The following RIMS2 variants were observed in gnomAD, a reference collection of about 807,000 sequenced individuals.
RIMS2 encodes the protein regulating synaptic membrane exocytosis protein 2.
In RIMS2, 59 loss-of-function variants were observed where a neutral mutation model predicts 174.4. That is an observed-to-expected ratio of 0.34 (90% confidence interval 0.27 to 0.42). The LOEUF is 0.42. Ranked by LOEUF, RIMS2 falls within the 10% of genes least tolerant of loss-of-function variation. The pLI is 1.00. For missense variants in RIMS2, 1,620 were observed against 1,666.3 expected, an observed-to-expected ratio of 0.97 and a Z score of 0.48; for synonymous variants, 606 against 572.5, an observed-to-expected ratio of 1.06 and a Z score of -0.84.
At chr8:104,201,056 T>C (rs896799289) in intron 19 of RIMS2, among the ~76,000 whole-genome samples, 12 of 152,304 alleles carry the variant, frequency 7.9e-5, no homozygotes, top group African/African-American at 2.9e-4. Flanking sequence ...TGGGGTTTGG[T>C]GTACAAATGA....
chr8:103,796,275 A>C (rs1308474832), intron 3 of RIMS2, among the ~76,000 whole-genome samples: 4 of 152,144 alleles, frequency 2.6e-5, no homozygotes, highest in Non-Finnish European at 5.9e-5. Flanking sequence ...CAAATTCTTA[A>C]CTTTATAAGA....
chr8:103,574,434 G>C (rs1304516010), intron 1 of RIMS2, among the ~76,000 whole-genome samples: 1 of 152,120 alleles, frequency 6.6e-6, no homozygotes, highest in Non-Finnish European at 1.5e-5. Context: ...TCACAGCCTT[G>C]TCCTGAACTC....
chr8:104,208,110 T>C (rs2099088889), intron 19 of RIMS2, among the ~76,000 whole-genome samples: 1 of 152,018 alleles, frequency 6.6e-6, no homozygotes. Flanking sequence ...CAAGTGATTG[T>C]TTTGTTAAAC....
At chr8:103,625,434 C>G (rs16870589) in intron 1 of RIMS2, among the ~76,000 whole-genome samples, 18,881 of 152,080 alleles carry the variant, frequency 0.12, 1,274 homozygotes, top group Middle Eastern at 0.22. Context: ...GAACATTTAG[C>G]TTTTGTCTTT....
Position 103,817,022 on chromosome 8 carries a change from A to AT in RIMS2, c.698+50491dup, listed in dbSNP as rs540391466. On this transcript the variant is annotated intron_variant, in intron 3 of 23. Coordinates refer to ENST00000504942, the Ensembl canonical transcript of RIMS2. Reference sequence around the variant, plus strand: ...ATCTATTTAAAAGGGGAAAATTTACATTTTTTCCCCTCACAGATAGTATGA... The same window carrying AT: ...ATCTATTTAAAAGGGGAAAATTTACATTTTTTTCCCCTCACAGATAGTATGA... Among the ~76,000 whole-genome samples the AT allele has an allele frequency of 2.4e-3, 361 of 152,238 alleles. 1 individual carries two copies. The highest frequency in any genetic ancestry group is 4.2e-3 in the Non-Finnish European group (283 of 68,004).
chr8:103,932,512 A>G (rs927617537), intron 12 of RIMS2, among the ~76,000 whole-genome samples: 14 of 152,242 alleles, frequency 9.2e-5, no homozygotes, highest in African/African-American at 3.1e-4. Context: ...TTTGATTAAG[A>G]AAGCTGTTTT....
intron 19 of RIMS2, among the ~76,000 whole-genome samples, chr8:104,198,682 A>T (rs2099038009): frequency 6.6e-6 from 1 of 152,184 alleles, no homozygotes; most frequent in African/African-American, 2.4e-5. Context: ...TTTTGGTAGG[A>T]ATTTCTACCT....
chr8:104,181,618 A>T (rs1338644287), intron 19 of RIMS2, among the ~76,000 whole-genome samples: 1 of 151,554 alleles, frequency 6.6e-6, no homozygotes, highest in East Asian at 1.9e-4. Flanking sequence ...TAATTTCACA[A>T]TTTTTCTCTT....
intron 19 of RIMS2, among the ~76,000 whole-genome samples, chr8:104,060,107 C>T (rs571321975): frequency 6.6e-6 from 1 of 151,766 alleles, no homozygotes; most frequent in Non-Finnish European, 1.5e-5. Context: ...GGAGGATTCC[C>T]TCTTTTTCTA....
chr8:103,733,134 A>G (rs2097629964), intron 2 of RIMS2, among the ~76,000 whole-genome samples: 1 of 151,876 alleles, frequency 6.6e-6, no homozygotes, highest in Non-Finnish European at 1.5e-5. Flanking sequence ...AGGGCCCTTT[A>G]GTCTGCAGGT....
At chr8:103,877,853 TC>T (rs1218233327) in intron 3 of RIMS2, among the ~76,000 whole-genome samples, 1 of 151,878 alleles carries the variant, frequency 6.6e-6, no homozygotes, top group Non-Finnish European at 1.5e-5. Flanking sequence ...TATTGATTCT[TC>T]CAATCCATGA....
Position 103,938,837 on chromosome 8 carries a change from G to A in RIMS2, c.2547+2115G>A, listed in dbSNP as rs529023483. The stretch of plus-strand genomic sequence containing the variant: ...TTGCCCAAAACAAAGCCCCATGCAA[G>A]TCTGAAATCCAGTGAGGCTGTCAAA... On this transcript the variant is annotated intron_variant, in intron 13 of 23. Transcript: ENST00000504942. Among the ~76,000 whole-genome samples, 3 of 152,298 alleles carry A rather than the reference G, an allele frequency of 2.0e-5. No homozygotes were observed. The South Asian group carries it at 6.2e-4, about 32-fold the overall frequency.
intron 1 of RIMS2, among the ~76,000 whole-genome samples, chr8:103,696,862 CAAAAAAAAA>C (rs55852238): frequency 3.7e-5 from 2 of 53,742 alleles, no homozygotes; most frequent in South Asian, 7.5e-4. Flanking sequence ...GACTTCGTCT[CAAAAAAAAA>C]AAAAAAAAAA....
intron 19 of RIMS2, among the ~76,000 whole-genome samples, chr8:104,045,632 A>G (rs1367328059): frequency 6.6e-6 from 1 of 151,868 alleles, no homozygotes; most frequent in African/African-American, 2.4e-5. Context: ...CTCAACATAA[A>G]AAATGTTTTG....
intron 19 of RIMS2, among the ~76,000 whole-genome samples, chr8:104,154,794 G>A (rs989870230): frequency 6.6e-6 from 1 of 152,080 alleles, no homozygotes; most frequent in African/African-American, 2.4e-5. Flanking sequence ...TTTAGCAACT[G>A]TAATCATTTA....
chr8:104,158,194 A>G (rs1223612052), intron 19 of RIMS2, among the ~76,000 whole-genome samples: 1 of 152,154 alleles, frequency 6.6e-6, no homozygotes, highest in Non-Finnish European at 1.5e-5. Flanking sequence ...GATGGTTTCC[A>G]GCTTCATCCA....
chr8:104,241,259 CA>C (rs1446831240), intron 19 of RIMS2, among the ~76,000 whole-genome samples: 3 of 152,154 alleles, frequency 2.0e-5, no homozygotes, highest in African/African-American at 7.2e-5. Context: ...GAACTGTCTA[CA>C]AATGCTGGTT....
intron 16 of RIMS2, among the ~76,000 whole-genome samples, chr8:103,978,588 G>C (rs2093642226): frequency 6.6e-6 from 1 of 152,196 alleles, no homozygotes; most frequent in Non-Finnish European, 1.5e-5. Flanking sequence ...TAAAGAAGCA[G>C]TACTTTTTCA....
chr8:103,819,497 A>C (rs2098738052), intron 3 of RIMS2: 1 of 1,611,830 alleles, frequency 6.2e-7, no homozygotes, highest in African/African-American at 1.3e-5. Flanking sequence ...GGGGAAAAAA[A>C]AAGAAAGAAA....
Sources: gnomAD v4.1 joint callset for allele counts (sites outside exome capture counted in the v4.1 genomes callset) on GRCh38, gnomAD v4.1.1 for gene constraint, MANE v1.5 for transcripts, NCBI Gene and HGNC (gene_info 2026-07-23, HGNC 2026-07-21) for gene names.